Variants in NEK7 observed in about 807,000 individuals in gnomAD.
The protein encoded by NEK7 is serine/threonine-protein kinase Nek7.
In NEK7, 18 loss-of-function variants were observed where a neutral mutation model predicts 44.6. The ratio of observed to expected loss-of-function variants is 0.40; its 90% CI spans 0.28 to 0.60. The LOEUF (loss-of-function observed/expected upper bound fraction) is 0.60. Ranked by LOEUF, NEK7 falls within the 20% of genes least tolerant of loss-of-function variation. The pLI is 0.38. For synonymous variants in NEK7, 130 were observed against 121.1 expected (o/e 1.07, Z -0.48); for missense variants, 256 against 366.5 (o/e 0.70, Z 2.46).
chr1:198,204,495 G>T (rs921802119), intron 1 of NEK7, among the ~76,000 whole-genome samples: 2 of 152,006 alleles, frequency 1.3e-5, no homozygotes, highest in African/African-American at 4.8e-5. Flanking sequence ...CGAGGCAGGC[G>T]GATCACGAGG....
chr1:198,166,273 A>G (rs115268668), intron 1 of NEK7, among the ~76,000 whole-genome samples: 4,465 of 152,350 alleles, frequency 0.029, 118 homozygotes, highest in African/African-American at 0.063. Flanking sequence ...AACACATTCA[A>G]AATAAACAAA....
chr1:198,243,181 TC>T (rs1240765375), intron 2 of NEK7, among the ~76,000 whole-genome samples: 1 of 152,236 alleles, frequency 6.6e-6, no homozygotes, highest in East Asian at 1.9e-4. Context: ...AGCAAGATCA[TC>T]CCTAAATTAA....
At chr1:198,237,872 C>G (rs1433317219) in intron 2 of NEK7, among the ~76,000 whole-genome samples, 1 of 152,148 alleles carries the variant, frequency 6.6e-6, no homozygotes, top group Non-Finnish European at 1.5e-5. Context: ...TATGTCAACC[C>G]TGCAATATTT....
chr1:198,209,153 C>T (rs868531733), intron 1 of NEK7, among the ~76,000 whole-genome samples: 1 of 137,302 alleles, frequency 7.3e-6, no homozygotes, highest in Non-Finnish European at 1.5e-5. Context: ...TATATATATA[C>T]TTTTTTTTTT....
chr1:198,305,130 T>A (rs1473450101), intron 9 of NEK7, among the ~76,000 whole-genome samples: 5 of 151,990 alleles, frequency 3.3e-5, no homozygotes, highest in Non-Finnish European at 5.9e-5. Context: ...TTTATTCTTA[T>A]TAATGTTGTA....
intron 1 of NEK7, among the ~76,000 whole-genome samples, chr1:198,212,673 G>A (rs925701444): frequency 1.3e-5 from 2 of 152,120 alleles, no homozygotes; most frequent in African/African-American, 4.8e-5. Context: ...CAATGGACAG[G>A]GACATTTGGG....
At chr1:198,225,668 C>T (rs1481440705) in intron 1 of NEK7, among the ~76,000 whole-genome samples, 2 of 152,130 alleles carry the variant, frequency 1.3e-5, no homozygotes, top group African/African-American at 4.8e-5. Context: ...CCCCACCCAC[C>T]GTCTCCCACA....
intron 9 of NEK7, among the ~76,000 whole-genome samples, chr1:198,299,001 T>C (rs189655946): frequency 4.6e-5 from 7 of 152,362 alleles, no homozygotes; most frequent in Admixed American, 2.0e-4. Flanking sequence ...CTGGCCCAGA[T>C]AGAAGGTCTT....
chr1:198,300,612 C>T (rs951695702), intron 9 of NEK7, among the ~76,000 whole-genome samples: 1 of 152,198 alleles, frequency 6.6e-6, no homozygotes, highest in Admixed American at 6.5e-5. Flanking sequence ...GGATGCCTCC[C>T]CCTGCAGACT....
chr1:198,279,144 T>G, intron 7 of NEK7, 83 bp downstream of exon 7: 1 of 774,838 alleles, frequency 1.3e-6, no homozygotes, highest in Non-Finnish European at 2.2e-6. Flanking sequence ...ACATGCCAGC[T>G]CTTACATTCT....
At chr1:198,310,046 T>A (rs1655129961) in intron 9 of NEK7, among the ~76,000 whole-genome samples, 1 of 151,576 alleles carries the variant, frequency 6.6e-6, no homozygotes, top group Non-Finnish European at 1.5e-5. Flanking sequence ...TTGAACTAGT[T>A]TACAGTCCCA....
chr1:198,260,280 C>T (rs1653412283), intron 3 of NEK7, among the ~76,000 whole-genome samples: 2 of 151,894 alleles, frequency 1.3e-5, no homozygotes, highest in Admixed American at 1.3e-4. Flanking sequence ...TTAACCCCTG[C>T]TATTGGTGTC....
At chr1:198,292,453 AT>A (rs1213133925) in intron 7 of NEK7, among the ~76,000 whole-genome samples, 1 of 152,020 alleles carries the variant, frequency 6.6e-6, no homozygotes, top group Non-Finnish European at 1.5e-5. Context: ...ATCAAGTGTT[AT>A]ATCATTTGTT....
chr1:198,252,525 A>G, intron 2 of NEK7, among the ~76,000 whole-genome samples: 1 of 22,168 alleles, frequency 4.5e-5, no homozygotes, highest in South Asian at 1.9e-3. Flanking sequence ...CCTATCTCAC[A>G]TACTATATAT....
chr1:198,260,596 C>T (rs909464852), intron 3 of NEK7, among the ~76,000 whole-genome samples: 2 of 151,882 alleles, frequency 1.3e-5, no homozygotes, highest in Middle Eastern at 3.2e-3. Context: ...CATATTTCTT[C>T]TTCTGTTATT....
chr1:198,273,726 T>C (rs1478764806), intron 5 of NEK7, among the ~76,000 whole-genome samples: 2 of 151,768 alleles, frequency 1.3e-5, no homozygotes, highest in Non-Finnish European at 3.0e-5. Flanking sequence ...TGAGGTTTTT[T>C]TGTTGTTGCT....
chr1:198,182,017 T>G (rs931586636), intron 1 of NEK7, among the ~76,000 whole-genome samples: 1 of 152,084 alleles, frequency 6.6e-6, no homozygotes, highest in African/African-American at 2.4e-5. Flanking sequence ...CTTTATATAC[T>G]TGATATGTTC....
At chr1:198,242,575 C>G (rs902188191) in intron 2 of NEK7, among the ~76,000 whole-genome samples, 1 of 150,988 alleles carries the variant, frequency 6.6e-6, no homozygotes, top group Non-Finnish European at 1.5e-5. Context: ...CATTCTCCTG[C>G]CTCAGCCTCC....
chr1:198,290,455 T>A (rs530940862), intron 7 of NEK7, among the ~76,000 whole-genome samples: 31 of 152,288 alleles, frequency 2.0e-4, no homozygotes, highest in African/African-American at 7.2e-4. Context: ...ACTTAAACTT[T>A]TAGGCCTCTC....
Sources: gnomAD v4.1 joint callset for allele counts (sites outside exome capture counted in the v4.1 genomes callset) on GRCh38, gnomAD v4.1.1 for gene constraint, MANE v1.5 for transcripts, NCBI Gene and HGNC (gene_info 2026-07-23, HGNC 2026-07-21) for gene names.